ZNF512: variants seen among roughly 807,000 people sequenced by gnomAD.
The protein encoded by ZNF512 is zinc finger protein 512.
In ZNF512, 25 loss-of-function variants were observed where a neutral mutation model predicts 77.5. The ratio of observed to expected loss-of-function variants is 0.32; its 90% CI spans 0.23 to 0.45. The LOEUF (loss-of-function observed/expected upper bound fraction) is 0.45, where lower values mean the gene tolerates loss of function less well. Ranked by LOEUF, ZNF512 falls within the 20% of genes least tolerant of loss-of-function variation. The probability of loss-of-function intolerance (pLI) is 1.00; values close to 1 mark genes in which losing one functional copy is unlikely to be tolerated. For missense variants in ZNF512, 483 were observed against 692.6 expected (o/e 0.70, Z 3.40); for synonymous variants, 246 against 239.9 (o/e 1.03, Z -0.24).
At position 27,611,412 on chromosome 2, in the gene ZNF512, C is replaced by G. The variant is rs72852151; in HGVS notation, c.1131+3373C>G. 7.0e-3 allele frequency among the ~76,000 whole-genome samples: 1,063 copies of G among 152,196 alleles called. 13 individuals are homozygous for G. Among genetic ancestry groups the G allele is most frequent in the African/African-American group, 0.023 (944 of 41,528 alleles). ...TTTCTCAAGATTAGGTTGAGAGTATCATGACTCTCAGTGGTATTCTTGGCA... is the reference window on the plus strand; with the variant it reads ...TTTCTCAAGATTAGGTTGAGAGTATGATGACTCTCAGTGGTATTCTTGGCA... On this transcript the variant is annotated intron_variant, in intron 10 of 13. Transcript: ENST00000355467.
intron 3 of ZNF512, 151 bp downstream of exon 3, chr2:27,598,405 G>A (rs866093288): frequency 4.7e-5 from 32 of 678,482 alleles, no homozygotes; most frequent in African/African-American, 2.5e-4. Context: ...CGAGGCGGGC[G>A]GATCACAAGG....
intron 3 of ZNF512, among the ~76,000 whole-genome samples, chr2:27,599,152 C>T (rs1248268705): frequency 1.3e-5 from 2 of 152,094 alleles, no homozygotes; most frequent in Non-Finnish European, 2.9e-5. Flanking sequence ...ATGGCTGGCC[C>T]CCCTTTTCTT....
intron 10 of ZNF512, among the ~76,000 whole-genome samples, chr2:27,611,318 C>G (rs544587916): frequency 2.6e-4 from 39 of 152,158 alleles, no homozygotes; most frequent in African/African-American, 9.4e-4. Flanking sequence ...CTTTTGTGTC[C>G]TTGATGCTGT....
At position 27,616,253 on chromosome 2, in the gene ZNF512, C is replaced by T; in HGVS notation, c.1234-9C>T. 2.5e-6 allele frequency: 4 copies of T among 1,612,644 alleles called. No homozygotes were observed. Among genetic ancestry groups the T allele is most frequent in the African/African-American group, 2.7e-5 (2 of 75,040 alleles). ...GCATAGTCTTCATACTATTTCTTCT[C>T]TTTTGCAGGGCTGTGAGGCTGTCTA... On this transcript the variant is annotated splice_polypyrimidine_tract_variant and intron_variant, in intron 11 of 13. Transcript: ENST00000355467.
chr2:27,605,519 A>G (rs915510853), intron 9 of ZNF512, among the ~76,000 whole-genome samples: 5 of 151,062 alleles, frequency 3.3e-5, no homozygotes, highest in African/African-American at 9.7e-5. Context: ...TCTTTTGCCC[A>G]GGCTGGAGTG....
At chr2:27,589,973 CG>C (rs997601951) in intron 2 of ZNF512, among the ~76,000 whole-genome samples, 4 of 152,226 alleles carry the variant, frequency 2.6e-5, no homozygotes, top group Admixed American at 2.0e-4. Flanking sequence ...GATGGCCCAG[CG>C]TAAGATCTAG....
chr2:27,598,340 T>G, intron 3 of ZNF512, 86 bp downstream of exon 3: 2 of 1,408,556 alleles, frequency 1.4e-6, no homozygotes, highest in Non-Finnish European at 1.9e-6. Context: ...TTAAAAGTAT[T>G]AAATGGCGGC....
chr2:27,588,136 G>T (rs1671421790), intron 2 of ZNF512, among the ~76,000 whole-genome samples: 1 of 151,896 alleles, frequency 6.6e-6, no homozygotes, highest in Non-Finnish European at 1.5e-5. Context: ...CTTCCTTCCA[G>T]TCTGGTTTGT....
chr2:27,595,646 A>G (rs937432029), intron 2 of ZNF512, among the ~76,000 whole-genome samples: 13 of 152,010 alleles, frequency 8.6e-5, no homozygotes. Flanking sequence ...TTTCTATTGA[A>G]CGGTCTTCAA....
intron 10 of ZNF512, among the ~76,000 whole-genome samples, chr2:27,613,830 C>T (rs543061097): frequency 6.6e-6 from 1 of 152,002 alleles, no homozygotes; most frequent in African/African-American, 2.4e-5. Context: ...CTGGATAGTA[C>T]TTCATTTACA....
intron 2 of ZNF512, among the ~76,000 whole-genome samples, chr2:27,593,309 G>T (rs977032100): frequency 2.6e-4 from 40 of 151,338 alleles, no homozygotes; most frequent in Non-Finnish European, 3.2e-4. Flanking sequence ...GGCTGAGGTG[G>T]GAGGATTGTT....
At position 27,588,303 on chromosome 2, in the gene ZNF512, G is replaced by A. The variant is rs6756224; in HGVS notation, c.89+4587G>A. On this transcript the variant is annotated intron_variant, in intron 2 of 13. Coordinates refer to ENST00000355467, the MANE Select transcript of ZNF512 (RefSeq NM_032434.4). Reference sequence around the variant, plus strand: ...GGTGCCACTGCACTCCAGCCTGGGCGACAGAGCGAGATTCCGTCTTAAGAA... The same window carrying A: ...GGTGCCACTGCACTCCAGCCTGGGCAACAGAGCGAGATTCCGTCTTAAGAA... Among the ~76,000 whole-genome samples, 1,490 of 152,048 alleles carry A rather than the reference G, an allele frequency of 9.8e-3. 26 individuals carry two copies. Among genetic ancestry groups the A allele is most frequent in the African/African-American group, 0.033 (1,375 of 41,514 alleles).
intron 10 of ZNF512, among the ~76,000 whole-genome samples, chr2:27,609,441 G>A (rs946449205): frequency 2.0e-5 from 3 of 152,020 alleles, no homozygotes; most frequent in Non-Finnish European, 4.4e-5. Flanking sequence ...TTAAATATTT[G>A]TTAACTGGCT....
chr2:27,600,868 G>T, intron 6 of ZNF512, 53 bp downstream of exon 6: 1 of 1,589,360 alleles, frequency 6.3e-7, no homozygotes, highest in Non-Finnish European at 8.6e-7. Context: ...CCAAACTTTA[G>T]ACTTCTTTTG....
At chr2:27,612,653 T>A (rs1223662920) in intron 10 of ZNF512, among the ~76,000 whole-genome samples, 3 of 152,226 alleles carry the variant, frequency 2.0e-5, no homozygotes, top group Non-Finnish European at 4.4e-5. Flanking sequence ...ATCCACAGTA[T>A]ATTTACTTAT....
intron 10 of ZNF512, among the ~76,000 whole-genome samples, chr2:27,610,581 T>TATATACACA (rs1558474954): frequency 1.9e-5 from 1 of 51,484 alleles, no homozygotes; most frequent in East Asian, 7.6e-4. Flanking sequence ...TTTTTTTTTT[T>TATATACACA]TTTTTTTTTT....
chr2:27,600,889 T>C, intron 6 of ZNF512, 74 bp downstream of exon 6: 1 of 1,543,666 alleles, frequency 6.5e-7, no homozygotes, highest in Non-Finnish European at 8.8e-7. Flanking sequence ...CTATGTTGGA[T>C]ATGCTGGTTA....
chr2:27,584,499 A>G (rs1425040330), intron 2 of ZNF512, among the ~76,000 whole-genome samples: 1 of 152,234 alleles, frequency 6.6e-6, no homozygotes, highest in Non-Finnish European at 1.5e-5. Context: ...GTAGTAGGTT[A>G]GGAATACAGG....
chr2:27,606,310 A>G (rs1209777196), intron 9 of ZNF512, among the ~76,000 whole-genome samples: 1 of 151,378 alleles, frequency 6.6e-6, no homozygotes, highest in East Asian at 1.9e-4. Flanking sequence ...TCATTTATGG[A>G]TAATGCTTTT....
Sources: allele counts gnomAD v4.1 joint callset (sites outside exome capture counted in the v4.1 genomes callset), GRCh38; gene constraint gnomAD v4.1.1; transcripts MANE v1.5; gene names NCBI Gene and HGNC (gene_info 2026-07-23, HGNC 2026-07-21).